KPNB1: variants seen among roughly 807,000 people sequenced by gnomAD.
KPNB1 encodes the protein importin subunit beta-1.
A neutral mutation model predicts 113.0 loss-of-function variants in KPNB1; 7 were observed. The observed-to-expected ratio is 0.06, with a 90% CI of 0.04 to 0.12. KPNB1 has a LOEUF of 0.12. KPNB1 is among the 10% of genes least tolerant of loss of function. The pLI, the probability that KPNB1 is intolerant of heterozygous loss-of-function variation, is 1.00. For missense variants in KPNB1, 400 were observed against 1,054.8 expected (o/e 0.38, Z 8.60); for synonymous variants, 363 against 378.6 (o/e 0.96, Z 0.48).
intron 21 of KPNB1, among the ~76,000 whole-genome samples, chr17:47,682,031 G>A (rs1024805222): frequency 2.0e-5 from 3 of 151,962 alleles, no homozygotes; most frequent in Non-Finnish European, 4.4e-5. Flanking sequence ...AAGATCTCCT[G>A]TTGCCCAGGC....
intron 3 of KPNB1, among the ~76,000 whole-genome samples, chr17:47,653,450 C>G (rs922793614): frequency 4.6e-5 from 7 of 152,118 alleles, no homozygotes; most frequent in African/African-American, 1.7e-4. Context: ...CCATGTTGGC[C>G]AGGCTGGTCT....
At position 47,673,132 on chromosome 17, in the gene KPNB1, C is replaced by T. The variant is rs1453541668; in HGVS notation, c.1662C>T (p.Ile554=). Residue 554 remains isoleucine, a synonymous_variant, in exon 13 of 22, where the codon ATC becomes ATT. Transcript: ENST00000290158. ...CTGTCCAGAAAACGACTTTGGTCAT[C>T]ATGGAACGACTGCAACAGGTTCTTC... ...YPAVQKTTLV[I]MERLQQVLQM... 3.1e-6 allele frequency: 5 copies of T among 1,614,150 alleles called. No individual in the cohort carries two copies. The highest frequency in any genetic ancestry group is 1.1e-5 in the South Asian group (1 of 91,078).
chr17:47,680,280 G>C, intron 20 of KPNB1, 146 bp downstream of exon 20: 1 of 750,062 alleles, frequency 1.3e-6, no homozygotes, highest in Non-Finnish European at 2.3e-6. Flanking sequence ...TTCATGTCCT[G>C]TTTTGAGTGT....
At position 47,682,680 on chromosome 17, in the gene KPNB1, T is replaced by TAA; in HGVS notation, c.*284_*285dup. On this transcript the variant is annotated 3_prime_UTR_variant, in exon 22 of 22. Coordinates refer to ENST00000290158, the MANE Select transcript of KPNB1 (RefSeq NM_002265.6). ...GAGAAAAACAATGGAGTTACTTATT[T>TAA]AAAAAAAAAGAAAGAAAGTTATCTC... 2 of 478,834 alleles carry TAA rather than the reference T, an allele frequency of 4.2e-6. No homozygotes were observed. Among genetic ancestry groups the TAA allele is most frequent in the Non-Finnish European group, 3.7e-6 (1 of 269,764 alleles). 29.7% of individuals were successfully genotyped at this position (478,834 alleles called of 1,614,324 possible).
chr17:47,666,424 T>A (rs1285474651), intron 9 of KPNB1, among the ~76,000 whole-genome samples: 1 of 121,994 alleles, frequency 8.2e-6, no homozygotes, highest in Admixed American at 9.4e-5. Context: ...GTGTGTGTAT[T>A]TTATATATAT....
At chr17:47,651,883 A>T (rs1319108391) in intron 2 of KPNB1, among the ~76,000 whole-genome samples, 1 of 152,244 alleles carries the variant, frequency 6.6e-6, no homozygotes, top group Non-Finnish European at 1.5e-5. Flanking sequence ...ACAAAAGAAC[A>T]TGCTTTTCAG....
At chr17:47,661,218 TC>T (rs1486183630) in intron 6 of KPNB1, 40 bp downstream of exon 6, 7 of 1,429,822 alleles carry the variant, frequency 4.9e-6, no homozygotes, top group Non-Finnish European at 6.9e-6. Flanking sequence ...CTTACATCTT[TC>T]TTAGGAAATG....
At chr17:47,664,377 C>A in intron 8 of KPNB1, 108 bp downstream of exon 8, 1 of 732,478 alleles carries the variant, frequency 1.4e-6, no homozygotes, top group Non-Finnish European at 2.3e-6. Flanking sequence ...TAGAGGGTAT[C>A]TCCATTGGCA....
chr17:47,674,600 T>A, intron 14 of KPNB1, 38 bp from the exon 15 acceptor site: 1 of 1,589,616 alleles, frequency 6.3e-7, no homozygotes, highest in South Asian at 1.1e-5. Flanking sequence ...TTGGGAGATT[T>A]GGAATCAACT....
chr17:47,666,036 T>C (rs1305932500), intron 9 of KPNB1, among the ~76,000 whole-genome samples: 2 of 151,876 alleles, frequency 1.3e-5, no homozygotes, highest in African/African-American at 2.4e-5. Context: ...CCTCTCAGGG[T>C]TTTTTTGTTT....
chr17:47,666,491 AT>A (rs1277720450), intron 9 of KPNB1, among the ~76,000 whole-genome samples: 1 of 144,154 alleles, frequency 6.9e-6, no homozygotes, highest in Admixed American at 7.1e-5. Flanking sequence ...TATATTATAT[AT>A]TTTATATAAT....
At chr17:47,663,522 A>G (rs781343573) in intron 7 of KPNB1, among the ~76,000 whole-genome samples, 1 of 151,882 alleles carries the variant, frequency 6.6e-6, no homozygotes, top group African/African-American at 2.4e-5. Context: ...AAATTAGCTG[A>G]ACGTGGTGGC....
rs1915477576 is a variant in KPNB1, at chr17:47,649,987, A to C, written c.-258A>C. On this transcript the variant is annotated 5_prime_UTR_variant, in exon 1 of 22. Coordinates refer to ENST00000290158, the MANE Select transcript of KPNB1 (RefSeq NM_002265.6). ...TTTCTCCCTCCGCCTCCCGAGCACC[A>C]GCGCGCTCTGAGCTGCCCCCAGGGT... 1 of 1,310,166 alleles carries C rather than the reference A, an allele frequency of 7.6e-7. No homozygotes were observed. The allele number at this position is 1,310,166 out of a possible 1,614,324, so 81.2% of individuals were successfully genotyped here. A position where few individuals can be genotyped will look rare whatever the true frequency, so the allele number is the denominator to read the frequency against.
intron 3 of KPNB1, among the ~76,000 whole-genome samples, chr17:47,654,122 T>C (rs1168249036): frequency 6.6e-6 from 1 of 152,032 alleles, no homozygotes; most frequent in South Asian, 2.1e-4. Flanking sequence ...AAAAAAAAAT[T>C]AGACAATAAT....
intron 15 of KPNB1, among the ~76,000 whole-genome samples, chr17:47,675,372 G>GTTTTTTTTTTTTTTTTTT (rs755565036): frequency 5.8e-5 from 5 of 86,078 alleles, no homozygotes; most frequent in African/African-American, 1.0e-4. Context: ...TTTTTTTTTT[G>GTTTTTTTTTTTTTTTTTT]TTTTTTTTTT....
intron 3 of KPNB1, among the ~76,000 whole-genome samples, chr17:47,656,440 C>T (rs1157665636): frequency 6.6e-6 from 1 of 152,124 alleles, no homozygotes; most frequent in African/African-American, 2.4e-5. Context: ...CTAAGCTACT[C>T]AGGGAGGCCT....
At chr17:47,666,381 C>T (rs1040897272) in intron 9 of KPNB1, among the ~76,000 whole-genome samples, 2 of 119,490 alleles carry the variant, frequency 1.7e-5, no homozygotes, top group East Asian at 2.6e-4. Flanking sequence ...CTTTTGACTT[C>T]GTGTCTTTAC....
At chr17:47,658,418 T>G in intron 4 of KPNB1, 90 bp from the exon 5 acceptor site, 1 of 1,400,324 alleles carries the variant, frequency 7.1e-7, no homozygotes. Context: ...CTAAATATTT[T>G]CAATCCATAG....
rs2143177913 is a variant in KPNB1 at position 47,678,984 on chromosome 17, A to C, written c.2353+571A>C. Among the ~76,000 whole-genome samples, 3 of 152,090 alleles carry C rather than the reference A, an allele frequency of 2.0e-5. No individual in the cohort carries two copies. The South Asian group carries it at 6.2e-4, about 32-fold the overall frequency. On this transcript the variant is annotated intron_variant, in intron 19 of 21. Coordinates refer to ENST00000290158, the MANE Select transcript of KPNB1 (RefSeq NM_002265.6). Reference sequence around the variant, plus strand: ...ACCCAAGCTGGAGTGCAGTGGAGCGATCACAGCTCACTGCAGTCTTCACTT... The same window carrying C: ...ACCCAAGCTGGAGTGCAGTGGAGCGCTCACAGCTCACTGCAGTCTTCACTT...
Sources: allele counts gnomAD v4.1 joint callset (sites outside exome capture counted in the v4.1 genomes callset), GRCh38; gene constraint gnomAD v4.1.1; transcripts MANE v1.5; gene names NCBI Gene and HGNC (gene_info 2026-07-23, HGNC 2026-07-21).